GFRA2: variants seen among roughly 807,000 people sequenced by gnomAD.
GFRA2 encodes GDNF family receptor alpha-2.
A neutral mutation model predicts 48.3 loss-of-function variants in GFRA2; 17 were observed. That is an observed-to-expected ratio of 0.35 (90% CI 0.24 to 0.53). The LOEUF (loss-of-function observed/expected upper bound fraction) is 0.53. GFRA2 is among the 20% of genes least tolerant of loss of function. GFRA2 has a pLI of 0.93. For synonymous variants in GFRA2, 305 were observed against 257.2 expected (o/e 1.19, Z -1.78); for missense variants, 660 against 637.3 (o/e 1.04, Z -0.38).
chr8:21,705,658 G>A (rs900010264), intron 5 of GFRA2, among the ~76,000 whole-genome samples: 2 of 152,240 alleles, frequency 1.3e-5, no homozygotes, highest in African/African-American at 4.8e-5. Flanking sequence ...TGGAATGTCA[G>A]AACCATGCAA....
chr8:21,766,901 AC>A (rs1156558285), intron 3 of GFRA2, among the ~76,000 whole-genome samples: 1 of 130,408 alleles, frequency 7.7e-6, no homozygotes, highest in East Asian at 2.3e-4. Context: ...CCACATCCAC[AC>A]ACACGCTAAC....
At chr8:21,715,852 A>G (rs1803304669) in intron 4 of GFRA2, among the ~76,000 whole-genome samples, 5 of 152,232 alleles carry the variant, frequency 3.3e-5, no homozygotes, top group Admixed American at 3.3e-4. Flanking sequence ...CGGAGGGAGA[A>G]GCAGAAACAA....
chr8:21,750,736 T>G lies in GFRA2; in HGVS notation c.646A>C (p.Thr216Pro). 2 of 1,613,814 alleles carry G rather than the reference T, an allele frequency of 1.2e-6. No homozygotes were observed. The highest frequency in any genetic ancestry group is 1.7e-6 in the Non-Finnish European group (2 of 1,179,846). The part of the protein sequence containing the change: ...QFFDRVPSEY[T>P]YRMLFCSCQD... ...CAGGAGCAGAAGAGCATGCGGTAGG[T>G]GTACTCGCTGGGCACCCGGTCGAAG... Residue 216 changes from threonine (T) to proline (P), a missense_variant, in exon 4 of 9, where the codon ACC (threonine) becomes CCC (proline). Coordinates refer to ENST00000524240, the MANE Select transcript of GFRA2 (RefSeq NM_001495.5). This position sits in a 1 kb window ranked among gnomAD's most constrained non-coding sequence, Gnocchi z 5.7.
At position 21,694,528 on chromosome 8, in the gene GFRA2, G is replaced by A. The variant is rs781431471; in HGVS notation, c.1219-11C>T. On this transcript the variant is annotated splice_polypyrimidine_tract_variant and intron_variant, in intron 7 of 8. Coordinates refer to ENST00000524240, the MANE Select transcript of GFRA2 (RefSeq NM_001495.5). ...CTTCAGCCCCTGCTCCTGCGAGAGAGAAGGTGCCAGTCAGGACGAGTCACC... is the reference window on the plus strand; with the variant it reads ...CTTCAGCCCCTGCTCCTGCGAGAGAAAAGGTGCCAGTCAGGACGAGTCACC... The A allele has an allele frequency of 1.2e-6, 2 of 1,608,240 alleles. No individual in the cohort carries two copies. The highest frequency in any genetic ancestry group is 1.7e-6 in the Non-Finnish European group (2 of 1,177,732).
At chr8:21,805,737 C>G (rs978471131) in intron 1 of GFRA2, among the ~76,000 whole-genome samples, 1 of 152,172 alleles carries the variant, frequency 6.6e-6, no homozygotes. Flanking sequence ...ACTCCAAGAC[C>G]TTATTAATAG....
chr8:21,766,679 G>A (rs562255930), intron 3 of GFRA2, among the ~76,000 whole-genome samples: 1 of 111,726 alleles, frequency 9.0e-6, no homozygotes, highest in Non-Finnish European at 1.9e-5. Flanking sequence ...ACAGGGGCCT[G>A]GGGGGTCATT....
chr8:21,769,101 G>A (rs2117682893), intron 3 of GFRA2: 1 of 833,720 alleles, frequency 1.2e-6, no homozygotes, highest in African/African-American at 1.9e-5. Flanking sequence ...CTTAGGGAGT[G>A]CCTAAATGAG....
chr8:21,763,812 C>A (rs1479876796), intron 3 of GFRA2, among the ~76,000 whole-genome samples: 1 of 151,902 alleles, frequency 6.6e-6, no homozygotes. Context: ...CTACACTTCC[C>A]AGCCTGCATG....
At chr8:21,703,050 C>T in intron 6 of GFRA2, 73 bp from the exon 7 acceptor site, 3 of 947,162 alleles carry the variant, frequency 3.2e-6, no homozygotes, top group Non-Finnish European at 4.6e-6. Flanking sequence ...GCTCCTCACA[C>T]TCTTCACCCT....
At chr8:21,758,078 A>C (rs967439574) in intron 3 of GFRA2, among the ~76,000 whole-genome samples, 23 of 152,214 alleles carry the variant, frequency 1.5e-4, no homozygotes, top group African/African-American at 5.5e-4. Flanking sequence ...GGCCCCACCG[A>C]GTCAGGAGCT....
intron 4 of GFRA2, among the ~76,000 whole-genome samples, chr8:21,746,295 C>A (rs929236908): frequency 6.6e-5 from 10 of 152,200 alleles, no homozygotes; most frequent in Admixed American, 2.0e-4. Context: ...CCATCATGCA[C>A]AAGGTTCCCT....
At chr8:21,784,624 C>T (rs1807179505) in intron 1 of GFRA2, among the ~76,000 whole-genome samples, 1 of 152,160 alleles carries the variant, frequency 6.6e-6, no homozygotes, top group Admixed American at 6.5e-5. Flanking sequence ...GAGACCCATC[C>T]CTAGGGGACA....
At chr8:21,761,294 T>C (rs537650279) in intron 3 of GFRA2, among the ~76,000 whole-genome samples, 20 of 152,352 alleles carry the variant, frequency 1.3e-4, no homozygotes, top group African/African-American at 3.8e-4. Flanking sequence ...TAAGGCTGGA[T>C]TGACGAATAA....
chr8:21,705,430 A>G (rs1325575314), intron 5 of GFRA2, among the ~76,000 whole-genome samples: 1 of 152,172 alleles, frequency 6.6e-6, no homozygotes, highest in East Asian at 1.9e-4. Flanking sequence ...TTCACCAGCA[A>G]GCAGCCAACA....
Position 21,693,064 on chromosome 8 carries a change from T to C in GFRA2, c.*214A>G. The C allele has an allele frequency of 2.5e-6, 1 of 396,058 alleles. No homozygotes were observed. The allele number at this position is 396,058 out of a possible 1,614,324, so 24.5% of individuals were successfully genotyped here. ...AGAGTTTCCCCTGCCAGGGGACCCC[T>C]GGGCCAGCTCTCAGGCTGCCTGCCT... On this transcript the variant is annotated 3_prime_UTR_variant, in exon 9 of 9. Coordinates refer to ENST00000524240, the MANE Select transcript of GFRA2 (RefSeq NM_001495.5).
chr8:21,726,470 C>A (rs1803876043), intron 4 of GFRA2, among the ~76,000 whole-genome samples: 1 of 152,200 alleles, frequency 6.6e-6, no homozygotes, highest in Non-Finnish European at 1.5e-5. Flanking sequence ...TTTGTTCTCT[C>A]ACAGTTCTGG....
intron 1 of GFRA2, among the ~76,000 whole-genome samples, chr8:21,809,813 T>C (rs760321960): frequency 2.4e-4 from 37 of 152,092 alleles, no homozygotes; most frequent in Non-Finnish European, 4.7e-4. Flanking sequence ...GGAAGCCCAA[T>C]GGCACCAGGG....
At chr8:21,755,224 T>C (rs1283137093) in intron 3 of GFRA2, among the ~76,000 whole-genome samples, 3 of 152,152 alleles carry the variant, frequency 2.0e-5, no homozygotes, top group Non-Finnish European at 4.4e-5. Context: ...CTTTGCCTCA[T>C]AATGATGTGT....
chr8:21,697,479 T>C (rs1246975273), intron 7 of GFRA2, among the ~76,000 whole-genome samples: 1 of 151,930 alleles, frequency 6.6e-6, no homozygotes, highest in East Asian at 1.9e-4. Context: ...ACAGGGCCCT[T>C]GGGTGGGAGT....
Sources: gnomAD v4.1 joint callset for allele counts (sites outside exome capture counted in the v4.1 genomes callset) on GRCh38, gnomAD v4.1.1 for gene constraint, Gnocchi (gnomAD v3.1) non-coding constraint, MANE v1.5 for transcripts, NCBI Gene and HGNC (gene_info 2026-07-23, HGNC 2026-07-21) for gene names.